Variants in DRC11 observed in about 807,000 individuals in gnomAD.
The protein encoded by DRC11 is IQ and AAA domain-containing protein 1.
chr2:236,350,533 G>T, the DRC11 span, among the ~76,000 whole-genome samples: 1 of 152,222 alleles, frequency 6.6e-6, no homozygotes, highest in African/African-American at 2.4e-5. This position sits in a 1 kb window ranked among gnomAD's most constrained non-coding sequence, Gnocchi z 5.2. Context: ...TGTGTGCCAA[G>T]CACAGCCAGC....
the DRC11 span, among the ~76,000 whole-genome samples, chr2:236,313,537 T>A: frequency 6.6e-6 from 1 of 152,146 alleles, no homozygotes; most frequent in Non-Finnish European, 1.5e-5. This position sits in a 1 kb window ranked among gnomAD's most constrained non-coding sequence, Gnocchi z 4.5. Flanking sequence ...TACATAGAAC[T>A]AGCAATTGCA....
chr2:236,448,462 A>G, the DRC11 span, among the ~76,000 whole-genome samples: 1 of 151,954 alleles, frequency 6.6e-6, no homozygotes, highest in Non-Finnish European at 1.5e-5. This position sits in a 1 kb window ranked among gnomAD's most constrained non-coding sequence, Gnocchi z 5.3. Flanking sequence ...CAGCCTCCTG[A>G]GTAGCTGGGA....
chr2:236,345,641 G>C, the DRC11 span, among the ~76,000 whole-genome samples: 1 of 152,100 alleles, frequency 6.6e-6, no homozygotes, highest in South Asian at 2.1e-4. Context: ...GGACAAGCAG[G>C]GCCTCGCGAC....
chr2:236,363,981 T>TA, the DRC11 span: 2 of 1,610,488 alleles, frequency 1.2e-6, no homozygotes, highest in Non-Finnish European at 1.7e-6. The surrounding 1 kb of genome is among the most constrained non-coding windows in gnomAD (Gnocchi z 5.6). Flanking sequence ...CTGCAGAACC[T>TA]AAAAAAGGCA....
chr2:236,507,300 C>A, the DRC11 span: 9 of 1,613,642 alleles, frequency 5.6e-6, no homozygotes, highest in South Asian at 9.9e-5. Context: ...CCTCGCCCTC[C>A]GGGAAGCTCT....
chr2:236,348,228 G>A, the DRC11 span, among the ~76,000 whole-genome samples: 2 of 152,172 alleles, frequency 1.3e-5, no homozygotes, highest in Non-Finnish European at 2.9e-5. The surrounding 1 kb of genome is among the most constrained non-coding windows in gnomAD (Gnocchi z 7.4). Context: ...CTGGCAATCC[G>A]GAGTTCTAGT....
chr2:236,407,746 T>A, the DRC11 span: 9 of 278,922 alleles, frequency 3.2e-5, no homozygotes, highest in Admixed American at 3.7e-4. Flanking sequence ...ACCTCCTCAC[T>A]GCCTCCATCA....
the DRC11 span, among the ~76,000 whole-genome samples, chr2:236,445,393 C>T: frequency 5.1e-4 from 78 of 152,084 alleles, no homozygotes; most frequent in African/African-American, 1.5e-3. The surrounding 1 kb of genome is among the most constrained non-coding windows in gnomAD (Gnocchi z 4.8). Context: ...AGTGCAGTGG[C>T]GCAATATTGG....
the DRC11 span, among the ~76,000 whole-genome samples, chr2:236,490,046 C>T: frequency 2.0e-5 from 3 of 152,230 alleles, no homozygotes; most frequent in Non-Finnish European, 4.4e-5. The surrounding 1 kb of genome is among the most constrained non-coding windows in gnomAD (Gnocchi z 5.5). Flanking sequence ...GCTGAGGCTT[C>T]ATGTGTGGGG....
the DRC11 span, among the ~76,000 whole-genome samples, chr2:236,491,182 C>T: frequency 7.7e-3 from 296 of 38,426 alleles, 12 homozygotes; most frequent in African/African-American, 0.027. Flanking sequence ...TATATATATA[C>T]ACACAGTATA....
the DRC11 span, among the ~76,000 whole-genome samples, chr2:236,429,381 C>T: frequency 6.6e-6 from 1 of 152,200 alleles, no homozygotes; most frequent in African/African-American, 2.4e-5. This position sits in a 1 kb window ranked among gnomAD's most constrained non-coding sequence, Gnocchi z 5.9. Flanking sequence ...CATCTTTAGG[C>T]TGAGCTGGAG....
chr2:236,503,655 G>A, the DRC11 span: 27 of 1,550,878 alleles, frequency 1.7e-5, no homozygotes, highest in African/African-American at 4.1e-5. The surrounding 1 kb of genome is among the most constrained non-coding windows in gnomAD (Gnocchi z 4.9). Context: ...GCTGAGAGAC[G>A]GCGTCATCTC....
the DRC11 span, chr2:236,419,392 C>A: frequency 7.2e-7 from 1 of 1,395,808 alleles, no homozygotes; most frequent in Non-Finnish European, 9.3e-7. The surrounding 1 kb of genome is among the most constrained non-coding windows in gnomAD (Gnocchi z 4.8). Context: ...TGGCCCTGGA[C>A]CCTGCAGGCC....
At chr2:236,408,462 G>A in the DRC11 span, 1 of 740,530 alleles carries the variant, frequency 1.4e-6, no homozygotes, top group Non-Finnish European at 2.5e-6. The surrounding 1 kb of genome is among the most constrained non-coding windows in gnomAD (Gnocchi z 5.5). Flanking sequence ...TCACAGGTAT[G>A]GGCTGCTCTA....
chr2:236,339,432 A>C, the DRC11 span, among the ~76,000 whole-genome samples: 1 of 151,972 alleles, frequency 6.6e-6, no homozygotes, highest in Non-Finnish European at 1.5e-5. Flanking sequence ...ATGAGTTGCA[A>C]TTTTCTTTTT....
chr2:236,503,495 T>C, the DRC11 span: 10 of 904,312 alleles, frequency 1.1e-5, no homozygotes, highest in South Asian at 1.4e-4. The surrounding 1 kb of genome is among the most constrained non-coding windows in gnomAD (Gnocchi z 4.9). Flanking sequence ...GGCTTGAGCC[T>C]TCCGGGTCCT....
chr2:236,459,540 C>CAT, the DRC11 span, among the ~76,000 whole-genome samples: 663 of 73,714 alleles, frequency 9.0e-3, 11 homozygotes, highest in African/African-American at 0.028. Context: ...TATACGTATA[C>CAT]GTATACGTAT....
chr2:236,342,507 G>T, the DRC11 span, among the ~76,000 whole-genome samples: 5 of 152,196 alleles, frequency 3.3e-5, no homozygotes, highest in Non-Finnish European at 7.3e-5. This position sits in a 1 kb window ranked among gnomAD's most constrained non-coding sequence, Gnocchi z 5.8. Context: ...AGGCTGGGAA[G>T]GACAGCAGGA....
the DRC11 span, among the ~76,000 whole-genome samples, chr2:236,416,172 A>G: frequency 6.6e-6 from 1 of 152,136 alleles, no homozygotes; most frequent in Non-Finnish European, 1.5e-5. Flanking sequence ...AAGCTAAGTT[A>G]TGATGCAATT....
Sources: allele counts gnomAD v4.1 joint callset (sites outside exome capture counted in the v4.1 genomes callset), GRCh38; gene constraint gnomAD v4.1.1; non-coding constraint Gnocchi (gnomAD v3.1); transcripts MANE v1.5; gene names NCBI Gene and HGNC (gene_info 2026-07-23, HGNC 2026-07-21).